The following ZNF704 variants were observed in gnomAD, a reference collection of about 807,000 sequenced individuals.
ZNF704 encodes zinc finger protein 704, also known as glucocorticoid induced gene 1.
A neutral mutation model predicts 44.7 loss-of-function variants in ZNF704; 10 were observed. The observed-to-expected ratio is 0.22, with a 90% CI of 0.14 to 0.38. The LOEUF is 0.38. ZNF704 is among the 10% of genes least tolerant of loss of function. The pLI is 1.00. For synonymous variants in ZNF704, 211 were observed against 207.6 expected, an observed-to-expected ratio of 1.02 and a Z score of -0.14; for missense variants, 390 against 545.5, an observed-to-expected ratio of 0.71 and a Z score of 2.84.
chr8:80,860,540 T>C (rs1398755230), intron 1 of ZNF704, among the ~76,000 whole-genome samples: 1 of 152,202 alleles, frequency 6.6e-6, no homozygotes, highest in East Asian at 1.9e-4. Flanking sequence ...ATGGAAAAAA[T>C]ACCAAATATT....
intron 3 of ZNF704, among the ~76,000 whole-genome samples, chr8:80,690,320 T>TGG (rs1335981569): frequency 6.6e-6 from 1 of 152,192 alleles, no homozygotes; most frequent in East Asian, 1.9e-4. Flanking sequence ...ATGAAGCCAA[T>TGG]GGTAAAAATA....
intron 1 of ZNF704, among the ~76,000 whole-genome samples, chr8:80,832,486 G>T (rs923488165): frequency 6.6e-6 from 1 of 152,102 alleles, no homozygotes; most frequent in Admixed American, 6.6e-5. Context: ...TTTTCTTACA[G>T]ATTTACAGTA....
At chr8:80,678,539 AG>A (rs1298546393) in intron 4 of ZNF704, among the ~76,000 whole-genome samples, 1 of 152,210 alleles carries the variant, frequency 6.6e-6, no homozygotes, top group East Asian at 1.9e-4. Flanking sequence ...TTCAATTTGT[AG>A]GAATCTTTCC....
At chr8:80,702,857 C>T (rs1352766405) in intron 2 of ZNF704, among the ~76,000 whole-genome samples, 6 of 151,968 alleles carry the variant, frequency 3.9e-5, no homozygotes, top group African/African-American at 7.3e-5. Flanking sequence ...TGATGTCATC[C>T]GGGATGATGG....
chr8:80,850,375 G>A (rs889964980), intron 1 of ZNF704, among the ~76,000 whole-genome samples: 1 of 151,836 alleles, frequency 6.6e-6, no homozygotes, highest in Admixed American at 6.6e-5. Context: ...ATACATGCAT[G>A]AGATAAAAAG....
chr8:80,874,226 AC>A lies in ZNF704; in HGVS notation c.-22+344del, dbSNP rs1809317339. Reference sequence around the variant, plus strand: ...GAGGCGCGGGCGCCGCCTTCGCTGGACCGGCCGGCGGGGACGCCGGCGGCCG... The same window carrying A: ...GAGGCGCGGGCGCCGCCTTCGCTGGACGGCCGGCGGGGACGCCGGCGGCCG... On this transcript the variant is annotated intron_variant, in intron 1 of 8. Transcript: ENST00000327835. The surrounding 1 kb of genome is among the most constrained non-coding windows in gnomAD (Gnocchi z 4.4). 7.0e-6 allele frequency among the ~76,000 whole-genome samples: 1 copy of A among 143,430 alleles called. No homozygotes were observed. Among genetic ancestry groups the A allele is most frequent in the African/African-American group, 2.5e-5 (1 of 39,628 alleles). 94.1% of individuals were successfully genotyped at this position (143,430 alleles called of 152,430 possible).
intron 1 of ZNF704, among the ~76,000 whole-genome samples, chr8:80,871,958 T>A (rs763169651): frequency 9.2e-5 from 14 of 152,190 alleles, no homozygotes; most frequent in Non-Finnish European, 1.5e-4. Flanking sequence ...TCAAGTGAAT[T>A]ATCACACTCA....
intron 6 of ZNF704, among the ~76,000 whole-genome samples, 175 bp from the exon 7 acceptor site, chr8:80,659,864 T>C (rs951344386): frequency 3.3e-5 from 5 of 152,108 alleles, no homozygotes; most frequent in African/African-American, 1.2e-4. Context: ...GAAATAAACT[T>C]TGTATATATA....
intron 1 of ZNF704, among the ~76,000 whole-genome samples, chr8:80,871,875 G>A (rs1809258613): frequency 6.6e-6 from 1 of 152,172 alleles, no homozygotes; most frequent in African/African-American, 2.4e-5. Flanking sequence ...GCAAATGAGA[G>A]TGTTATAAAA....
chr8:80,643,211 A>G lies in ZNF704; in HGVS notation c.1033-82T>C, dbSNP rs1357812755. On this transcript the variant is annotated intron_variant, in intron 7 of 8. Coordinates refer to ENST00000327835, the MANE Select transcript of ZNF704 (RefSeq NM_001033723.3). ...GTTAACCTTTGCTGTGTGGACACTG[A>G]TCCTTGACCATTAGAAGCAGAGATG... 3.3e-5 allele frequency: 32 copies of G among 967,052 alleles called. No individual in the cohort carries two copies. In the Admixed American group the frequency reaches 8.6e-4, roughly 26 times the overall value. 59.9% of individuals were successfully genotyped at this position (967,052 alleles called of 1,614,324 possible).
At position 80,640,680 on chromosome 8, in the gene ZNF704, G is replaced by A. The variant is rs1817727833; in HGVS notation, c.*686C>T. On this transcript the variant is annotated 3_prime_UTR_variant, in exon 9 of 9. Transcript: ENST00000327835. ...AGCTGGACTTCCTGAACTCAGCTTC[G>A]GGCTGAAGTCTGCTGGTGATTTCCG... The A allele has an allele frequency of 6.6e-6, 1 of 152,166 alleles. No individual in the cohort carries two copies. Among genetic ancestry groups the A allele is most frequent in the African/African-American group, 2.4e-5 (1 of 41,418 alleles). 9.4% of individuals were successfully genotyped at this position (152,166 alleles called of 1,614,324 possible). A position where few individuals can be genotyped will look rare whatever the true frequency, so the allele number is the denominator to read the frequency against.
In ZNF704 at chr8:80,779,454, T is replaced by C. The variant is rs142496271; in HGVS notation, c.221+41920A>G. The stretch of plus-strand genomic sequence containing the variant: ...CAAGTTTTGAAATCCTTTTATGTCC[T>C]AGTCTTATCTCTTGGAAGATGAGGC... On this transcript the variant is annotated intron_variant, in intron 2 of 8. Transcript: ENST00000327835. Among the ~76,000 whole-genome samples, 860 of 152,294 alleles carry C rather than the reference T, an allele frequency of 5.6e-3. 8 individuals are homozygous for C. The highest frequency in any genetic ancestry group is 0.02 in the African/African-American group (817 of 41,580).
intron 2 of ZNF704, among the ~76,000 whole-genome samples, chr8:80,818,726 T>C (rs1808216603): frequency 6.6e-6 from 1 of 152,202 alleles, no homozygotes; most frequent in African/African-American, 2.4e-5. Flanking sequence ...CTTGTATTGA[T>C]AAATTTCACT....
chr8:80,661,028 T>C (rs1818094218), intron 6 of ZNF704, among the ~76,000 whole-genome samples: 1 of 152,052 alleles, frequency 6.6e-6, no homozygotes, highest in Middle Eastern at 3.2e-3. Flanking sequence ...TGTGAGAAAA[T>C]ATCCACAAAC....
At chr8:80,792,136 C>G (rs534473825) in intron 2 of ZNF704, among the ~76,000 whole-genome samples, 6 of 152,148 alleles carry the variant, frequency 3.9e-5, no homozygotes, top group African/African-American at 1.4e-4. Flanking sequence ...AGGCTCGGCA[C>G]CATGAAAGCA....
intron 2 of ZNF704, among the ~76,000 whole-genome samples, chr8:80,770,338 T>A (rs1379558644): frequency 2.0e-5 from 3 of 152,226 alleles, no homozygotes; most frequent in African/African-American, 7.2e-5. Context: ...TCTCCATCCC[T>A]CCTTCACTCC....
At chr8:80,690,527 C>T (rs1244320358) in intron 3 of ZNF704, among the ~76,000 whole-genome samples, 5 of 152,040 alleles carry the variant, frequency 3.3e-5, no homozygotes, top group African/African-American at 7.2e-5. Flanking sequence ...AATCCTAGGC[C>T]GGGACTACAG....
At chr8:80,879,408 T>G (rs536077600), upstream of ZNF704, among the ~76,000 whole-genome samples, 14 of 152,110 alleles carry the variant, frequency 9.2e-5, no homozygotes, top group East Asian at 9.7e-4. Context: ...AGCTAGTTTT[T>G]GGGGGTTTAT....
At chr8:80,796,901 A>AGAAAGG (rs71266092) in intron 2 of ZNF704, among the ~76,000 whole-genome samples, 6 of 142,338 alleles carry the variant, frequency 4.2e-5, no homozygotes, top group South Asian at 2.4e-4. Flanking sequence ...AAAGGGAAAG[A>AGAAAGG]GAAAGGGAAA....
Sources: gnomAD v4.1 joint callset for allele counts (sites outside exome capture counted in the v4.1 genomes callset) on GRCh38, gnomAD v4.1.1 for gene constraint, Gnocchi (gnomAD v3.1) non-coding constraint, MANE v1.5 for transcripts, NCBI Gene and HGNC (gene_info 2026-07-23, HGNC 2026-07-21) for gene names.